FOXN3: variants seen among roughly 807,000 people sequenced by gnomAD.
FOXN3 encodes forkhead box N3.
A neutral mutation model predicts 38.4 loss-of-function variants in FOXN3; 7 were observed. That is an observed-to-expected ratio of 0.18 (90% CI 0.10 to 0.34). The LOEUF (loss-of-function observed/expected upper bound fraction) is 0.34, where lower values mean the gene tolerates loss of function less well. Ranked by LOEUF, FOXN3 falls within the 10% of genes least tolerant of loss-of-function variation. The pLI is 1.00. For missense variants in FOXN3, 456 were observed against 613.4 expected (o/e 0.74, Z 2.71); for synonymous variants, 230 against 242.2 (o/e 0.95, Z 0.47).
At chr14:89,204,723 T>C (rs1888332233) in intron 4 of FOXN3, among the ~76,000 whole-genome samples, 1 of 152,174 alleles carries the variant, frequency 6.6e-6, no homozygotes, top group Non-Finnish European at 1.5e-5. Flanking sequence ...AAGGCTATGA[T>C]AATATAACTG....
At chr14:89,459,968 G>A (rs1892807330) in intron 1 of FOXN3, among the ~76,000 whole-genome samples, 1 of 152,132 alleles carries the variant, frequency 6.6e-6, no homozygotes, top group Non-Finnish European at 1.5e-5. Context: ...AACTCTGCCC[G>A]ACAGCTGCTA....
intron 4 of FOXN3, among the ~76,000 whole-genome samples, chr14:89,232,450 A>G (rs1336605346): frequency 6.6e-6 from 1 of 152,218 alleles, no homozygotes; most frequent in East Asian, 1.9e-4. Context: ...GATGTAAACC[A>G]GGGCAAGAAA....
intron 1 of FOXN3, among the ~76,000 whole-genome samples, chr14:89,589,815 C>T (rs1181290747): frequency 6.6e-6 from 1 of 152,168 alleles, no homozygotes; most frequent in East Asian, 1.9e-4. Flanking sequence ...GTTGTATTCA[C>T]ATCACAAAGC....
At chr14:89,593,565 G>A (rs1172749039) in intron 1 of FOXN3, among the ~76,000 whole-genome samples, 1 of 152,154 alleles carries the variant, frequency 6.6e-6, no homozygotes, top group Non-Finnish European at 1.5e-5. Flanking sequence ...AAGGGGTAAG[G>A]TCTATATTCT....
intron 2 of FOXN3, among the ~76,000 whole-genome samples, chr14:89,405,526 C>T (rs1489523955): frequency 6.6e-6 from 1 of 152,084 alleles, no homozygotes; most frequent in Admixed American, 6.5e-5. Flanking sequence ...CAATTTGTAT[C>T]AACAGTGTAC....
intron 1 of FOXN3, among the ~76,000 whole-genome samples, chr14:89,520,273 C>T (rs1462208970): frequency 6.6e-6 from 1 of 152,144 alleles, no homozygotes; most frequent in African/African-American, 2.4e-5. Flanking sequence ...CTCTGTCACC[C>T]AGGCTGGAGT....
In FOXN3 at chr14:89,511,141, TTTTCTTTCTTTCTTTC is replaced by T. The variant is rs1251992345; in HGVS notation, c.-14-98667_-14-98652del. On this transcript the variant is annotated intron_variant, in intron 1 of 6. Transcript: ENST00000345097. ...CTTGGTGTCTTTCTTTCTTTCTTTC[TTTTCTTTCTTTCTTTC>T]TTTCTTTCTTTCTTTCTTTCTTTCT... 1.5e-3 allele frequency among the ~76,000 whole-genome samples: 32 copies of T among 21,004 alleles called. 6 individuals carry two copies. The highest frequency in any genetic ancestry group is 3.0e-3 in the East Asian group (5 of 1,666). 13.8% of individuals were successfully genotyped at this position (21,004 alleles called of 152,430 possible).
intron 3 of FOXN3, among the ~76,000 whole-genome samples, chr14:89,337,928 C>T (rs1315896889): frequency 3.9e-5 from 6 of 152,184 alleles, no homozygotes; most frequent in Admixed American, 3.9e-4. Context: ...CCGTGCCCAG[C>T]CACATTTACA....
chr14:89,565,038 G>T (rs1338276407), intron 1 of FOXN3, among the ~76,000 whole-genome samples: 2 of 144,118 alleles, frequency 1.4e-5, no homozygotes, highest in Non-Finnish European at 3.0e-5. Flanking sequence ...AGGTTGCAGT[G>T]AGCCAAGATA....
At chr14:89,413,328 A>G (rs1891593658) in intron 1 of FOXN3, among the ~76,000 whole-genome samples, 1 of 152,174 alleles carries the variant, frequency 6.6e-6, no homozygotes, top group Non-Finnish European at 1.5e-5. Flanking sequence ...AAAATCAAGC[A>G]TCTACCTAGA....
intron 2 of FOXN3, among the ~76,000 whole-genome samples, chr14:89,406,805 C>T (rs1331961912): frequency 1.3e-5 from 2 of 150,828 alleles, no homozygotes; most frequent in Non-Finnish European, 3.0e-5. Flanking sequence ...AATAGAAATA[C>T]ACACATACCT....
At chr14:89,252,690 T>C (rs377520543) in intron 4 of FOXN3, among the ~76,000 whole-genome samples, 2 of 149,704 alleles carry the variant, frequency 1.3e-5, no homozygotes, top group African/African-American at 2.5e-5. Flanking sequence ...AAATTTTACA[T>C]AAATATCTCG....
intron 2 of FOXN3, among the ~76,000 whole-genome samples, chr14:89,383,039 T>TG (rs1361106120): frequency 1.3e-5 from 2 of 149,300 alleles, no homozygotes; most frequent in Non-Finnish European, 3.0e-5. Flanking sequence ...GTTTTTTTTT[T>TG]TTTTTTTTTT....
chr14:89,527,940 G>A (rs1026005228), intron 1 of FOXN3, among the ~76,000 whole-genome samples: 4 of 152,102 alleles, frequency 2.6e-5, no homozygotes, highest in Non-Finnish European at 5.9e-5. Flanking sequence ...GACCTCAGGG[G>A]ATCCACCTGT....
intron 3 of FOXN3, among the ~76,000 whole-genome samples, chr14:89,287,680 T>A (rs1276028178): frequency 1.3e-5 from 2 of 150,560 alleles, no homozygotes; most frequent in African/African-American, 4.9e-5. Context: ...TATTTCTCAG[T>A]CTAAAGTAGC....
intron 4 of FOXN3, among the ~76,000 whole-genome samples, chr14:89,258,647 T>G (rs1281508949): frequency 6.6e-6 from 1 of 152,254 alleles, no homozygotes; most frequent in Non-Finnish European, 1.5e-5. Context: ...TTTCAGAAGA[T>G]AAATGTAACT....
chr14:89,551,251 C>T (rs529864508), intron 1 of FOXN3, among the ~76,000 whole-genome samples: 4 of 152,276 alleles, frequency 2.6e-5, no homozygotes, highest in South Asian at 4.2e-4. Flanking sequence ...ACGGGGCACC[C>T]GACTGTGCTA....
At chr14:89,333,760 A>AC (rs201582821) in intron 3 of FOXN3, among the ~76,000 whole-genome samples, 25,819 of 145,086 alleles carry the variant, frequency 0.18, 2,990 homozygotes, top group South Asian at 0.29. Context: ...AAAAAAAAAA[A>AC]AAAAAAAAAA....
At chr14:89,383,520 G>C (rs1304268737) in intron 2 of FOXN3, among the ~76,000 whole-genome samples, 1 of 152,222 alleles carries the variant, frequency 6.6e-6, no homozygotes, top group Admixed American at 6.5e-5. Context: ...CAGACCAGAA[G>C]TGTGAAATCA....
Sources: gnomAD v4.1 joint callset for allele counts (sites outside exome capture counted in the v4.1 genomes callset) on GRCh38, gnomAD v4.1.1 for gene constraint, MANE v1.5 for transcripts, NCBI Gene and HGNC (gene_info 2026-07-23, HGNC 2026-07-21) for gene names.